Variants in SPATA16 observed in about 807,000 individuals in gnomAD.
SPATA16 encodes the protein spermatogenesis-associated protein 16.
In SPATA16, 36 loss-of-function variants were observed where a neutral mutation model predicts 63.3. The ratio of observed to expected loss-of-function variants is 0.57; its 90% CI spans 0.44 to 0.75. The LOEUF (loss-of-function observed/expected upper bound fraction) is 0.75. SPATA16 is among the 30% of genes least tolerant of loss of function. SPATA16 has a pLI of 0.00. For synonymous variants in SPATA16, 203 were observed against 216.7 expected (o/e 0.94, Z 0.56); for missense variants, 646 against 679.3 (o/e 0.95, Z 0.54).
chr3:173,008,919 T>C (rs1734999638), intron 4 of SPATA16, among the ~76,000 whole-genome samples: 1 of 152,134 alleles, frequency 6.6e-6, no homozygotes, highest in African/African-American at 2.4e-5. Context: ...TAAATGTACA[T>C]AGGAAAATGT....
rs531497403 is a variant in SPATA16 at position 172,899,517 on chromosome 3, A to G, written c.1588-9825T>C. On this transcript the variant is annotated intron_variant, in intron 10 of 10. Transcript: ENST00000351008. ...ACATTTTTTAACTCTTAAGCTTTCTACATCATCATATTTGAAGTGAGTTTG... is the reference window on the plus strand; with the variant it reads ...ACATTTTTTAACTCTTAAGCTTTCTGCATCATCATATTTGAAGTGAGTTTG... Among the ~76,000 whole-genome samples the G allele has an allele frequency of 2.0e-5, 3 of 152,110 alleles. No homozygotes were observed. In the East Asian group the frequency reaches 5.8e-4, roughly 29 times the overall value.
intron 4 of SPATA16, among the ~76,000 whole-genome samples, chr3:173,012,059 G>T (rs1735085687): frequency 6.6e-6 from 1 of 152,156 alleles, no homozygotes; most frequent in Admixed American, 6.5e-5. Flanking sequence ...TCCTGGCCTT[G>T]AGTGATCCTC....
chr3:172,961,090 C>CTTCCTTCG (rs1733770903), intron 5 of SPATA16, among the ~76,000 whole-genome samples: 1 of 129,430 alleles, frequency 7.7e-6, no homozygotes, highest in Non-Finnish European at 1.7e-5. Flanking sequence ...TCCTTCCTTC[C>CTTCCTTCG]TTCCTTCCTT....
In SPATA16 at chr3:173,127,401, T is replaced by C. The variant is rs117187699; in HGVS notation, c.-18-9652A>G. Among the ~76,000 whole-genome samples the C allele has an allele frequency of 3.3e-5, 5 of 152,358 alleles. No homozygotes were observed. In the East Asian group the frequency reaches 9.6e-4, roughly 29 times the overall value. On this transcript the variant is annotated intron_variant, in intron 1 of 10. Transcript: ENST00000351008. ...ATACTATTGTCTAATCTACAGTCCC[T>C]ATCCCTATTTTGCCTATTTTGTCAG...
At chr3:172,968,532 A>G (rs1262452189) in intron 5 of SPATA16, among the ~76,000 whole-genome samples, 1 of 152,194 alleles carries the variant, frequency 6.6e-6, no homozygotes, top group Non-Finnish European at 1.5e-5. Context: ...CGTCTAAATC[A>G]ATGTCACTAT....
chr3:173,000,787 ATTCT>A (rs1734803275), intron 4 of SPATA16, among the ~76,000 whole-genome samples: 1 of 150,046 alleles, frequency 6.7e-6, no homozygotes, highest in Non-Finnish European at 1.5e-5. Flanking sequence ...AAGCTCAGAG[ATTCT>A]TTCTTTGGTC....
At chr3:172,944,836 ATG>A (rs1160924827) in intron 6 of SPATA16, among the ~76,000 whole-genome samples, 2 of 152,158 alleles carry the variant, frequency 1.3e-5, no homozygotes, top group African/African-American at 4.8e-5. Flanking sequence ...GGAGAAGAAA[ATG>A]GAGAGTTATT....
chr3:172,947,501 G>A (rs151063604), intron 6 of SPATA16, among the ~76,000 whole-genome samples: 5 of 151,192 alleles, frequency 3.3e-5, no homozygotes, highest in Non-Finnish European at 4.4e-5. Context: ...GTTAGCTTAC[G>A]TTTCGCTTGC....
chr3:172,906,266 C>T (rs1039226351), intron 10 of SPATA16, among the ~76,000 whole-genome samples: 1 of 152,150 alleles, frequency 6.6e-6, no homozygotes, highest in Non-Finnish European at 1.5e-5. Flanking sequence ...AAGGACACAT[C>T]ATGCTTCTCA....
chr3:173,066,208 C>T (rs1736515993), intron 2 of SPATA16, among the ~76,000 whole-genome samples: 1 of 152,168 alleles, frequency 6.6e-6, no homozygotes, highest in South Asian at 2.1e-4. Context: ...CTAGATGCAC[C>T]CTGGGCCAGA....
intron 4 of SPATA16, among the ~76,000 whole-genome samples, chr3:173,010,466 G>GTT (rs1553792076): frequency 1.3e-5 from 2 of 151,082 alleles, no homozygotes; most frequent in African/African-American, 4.9e-5. Flanking sequence ...GTGTGTGTGT[G>GTT]TGTGTTTGTT....
intron 6 of SPATA16, among the ~76,000 whole-genome samples, chr3:172,941,384 A>G (rs1406435433): frequency 6.6e-6 from 1 of 152,210 alleles, no homozygotes; most frequent in African/African-American, 2.4e-5. Flanking sequence ...AGAAAAAAAA[A>G]TTATTCCTGG....
At position 172,979,662 on chromosome 3, in the gene SPATA16, G is replaced by A. The variant is rs183287895; in HGVS notation, c.849-2610C>T. ...ATGTTATGCCAAAGTTGCTTTTTCT[G>A]TAATAATATATTGTCGCATTGTTTG... On this transcript the variant is annotated intron_variant, in intron 4 of 10. Coordinates refer to ENST00000351008, the MANE Select transcript of SPATA16 (RefSeq NM_031955.6). Among the ~76,000 whole-genome samples, 2 of 152,028 alleles carry A rather than the reference G, an allele frequency of 1.3e-5. 1 individual carries two copies. The highest frequency in any genetic ancestry group is 4.8e-5 in the African/African-American group (2 of 41,392).
At chr3:172,961,298 C>A (rs1276598240) in intron 5 of SPATA16, among the ~76,000 whole-genome samples, 1 of 152,098 alleles carries the variant, frequency 6.6e-6, no homozygotes, top group African/African-American at 2.4e-5. Context: ...TGACTATAAT[C>A]ATAGTAAATT....
chr3:172,972,438 G>T (rs918783976), intron 5 of SPATA16, among the ~76,000 whole-genome samples: 2 of 152,124 alleles, frequency 1.3e-5, no homozygotes, highest in East Asian at 3.8e-4. Context: ...ACACCATGAG[G>T]TTCTTTCCTT....
chr3:173,107,993 T>A (rs1737659374), intron 2 of SPATA16, among the ~76,000 whole-genome samples: 1 of 152,194 alleles, frequency 6.6e-6, no homozygotes, highest in African/African-American at 2.4e-5. Context: ...TGGTTAGGTA[T>A]TGATTCAGAA....
At chr3:172,922,938 AAAAC>A (rs1322885900) in intron 8 of SPATA16, among the ~76,000 whole-genome samples, 5 of 152,034 alleles carry the variant, frequency 3.3e-5, no homozygotes, top group East Asian at 1.9e-4. Context: ...CAAAAAACAA[AAAAC>A]AAACAAAAAA....
At chr3:172,978,139 C>T (rs144440923) in intron 4 of SPATA16, among the ~76,000 whole-genome samples, 8,232 of 140,224 alleles carry the variant, frequency 0.059, 294 homozygotes, top group Non-Finnish European at 0.083. Flanking sequence ...CTCTCTCTCC[C>T]TCTCTCTCTC....
chr3:172,939,286 C>T (rs1338709663), intron 6 of SPATA16, among the ~76,000 whole-genome samples: 1 of 152,126 alleles, frequency 6.6e-6, no homozygotes, highest in African/African-American at 2.4e-5. Flanking sequence ...CTACTATAAA[C>T]CTTGATGTAA....
Sources: allele counts gnomAD v4.1 joint callset (sites outside exome capture counted in the v4.1 genomes callset), GRCh38; gene constraint gnomAD v4.1.1; transcripts MANE v1.5; gene names NCBI Gene and HGNC (gene_info 2026-07-23, HGNC 2026-07-21).